The following PPP1R13B variants were observed in gnomAD, a reference collection of about 807,000 sequenced individuals.
The protein encoded by PPP1R13B is apoptosis-stimulating of p53 protein 1.
A neutral mutation model predicts 119.8 loss-of-function variants in PPP1R13B; 44 were observed. That is an observed-to-expected ratio of 0.37 (90% confidence interval 0.29 to 0.47). PPP1R13B has a LOEUF of 0.47. Among genes scored for constraint, PPP1R13B ranks in the 20% least tolerant of loss-of-function variants. The probability of loss-of-function intolerance (pLI) is 0.99; values close to 1 mark genes in which losing one functional copy is unlikely to be tolerated. For missense variants in PPP1R13B, 1,227 were observed against 1,413.5 expected, an observed-to-expected ratio of 0.87 and a Z score of 2.12; for synonymous variants, 542 against 561.5, an observed-to-expected ratio of 0.97 and a Z score of 0.49.
chr14:103,818,507 A>C (rs1309194004), intron 1 of PPP1R13B: 2 of 982,732 alleles, frequency 2.0e-6, no homozygotes, highest in African/African-American at 3.5e-5. Context: ...AGAAGAACGA[A>C]TATTTTCTTG....
chr14:103,847,769 G>T, upstream of PPP1R13B: 1 of 387,906 alleles, frequency 2.6e-6, no homozygotes, highest in Non-Finnish European at 3.5e-6. Flanking sequence ...CGCTCCCGGC[G>T]GCGGGGGAGG....
chr14:103,790,778 G>A (rs1307835811), intron 2 of PPP1R13B, among the ~76,000 whole-genome samples: 1 of 152,234 alleles, frequency 6.6e-6, no homozygotes, highest in Non-Finnish European at 1.5e-5. Context: ...GCCAAGGCAA[G>A]CGGATCACTT....
At chr14:103,771,772 T>G (rs1284002230) in intron 4 of PPP1R13B, among the ~76,000 whole-genome samples, 1 of 152,212 alleles carries the variant, frequency 6.6e-6, no homozygotes, top group Non-Finnish European at 1.5e-5. Flanking sequence ...TGAGCCACTG[T>G]GCCCGGCCTA....
chr14:103,787,359 A>G (rs1229058795), intron 2 of PPP1R13B, among the ~76,000 whole-genome samples: 1 of 151,842 alleles, frequency 6.6e-6, no homozygotes, highest in Non-Finnish European at 1.5e-5. Context: ...TGAGGCAGAG[A>G]ACTGCTTGAA....
chr14:103,777,241 C>A (rs922685579), intron 4 of PPP1R13B, among the ~76,000 whole-genome samples: 5 of 152,106 alleles, frequency 3.3e-5, no homozygotes, highest in Admixed American at 6.6e-5. Flanking sequence ...GATCCACCGA[C>A]CTTGGCCTCC....
intron 3 of PPP1R13B, among the ~76,000 whole-genome samples, chr14:103,782,423 T>C (rs1030622127): frequency 2.6e-5 from 4 of 152,234 alleles, no homozygotes; most frequent in Admixed American, 2.0e-4. Context: ...CTACCAGCAA[T>C]GCTCAGTGAA....
At chr14:103,840,483 A>C (rs1458410939) in intron 1 of PPP1R13B, among the ~76,000 whole-genome samples, 1 of 152,228 alleles carries the variant, frequency 6.6e-6, no homozygotes, top group Non-Finnish European at 1.5e-5. Flanking sequence ...CCTAAACTCC[A>C]GGTGGAAAAA....
Position 103,746,301 on chromosome 14 carries a change from C to A in PPP1R13B, c.1150+72G>T, listed in dbSNP as rs546080460. ...AGAGCCTCAGGAGCCTGCCCCACCC[C>A]CCGCCCCTCCACCGCAGGCCCCATT... On this transcript the variant is annotated intron_variant, in intron 9 of 16. Coordinates refer to ENST00000202556, the MANE Select transcript of PPP1R13B (RefSeq NM_015316.3). 4 of 208,204 alleles carry A rather than the reference C, an allele frequency of 1.9e-5. 1 individual carries two copies. The highest frequency in any genetic ancestry group is 4.3e-5 in the Non-Finnish European group (4 of 92,814). 12.9% of individuals were successfully genotyped at this position (208,204 alleles called of 1,614,324 possible).
intron 4 of PPP1R13B, among the ~76,000 whole-genome samples, chr14:103,764,997 T>C (rs992660842): frequency 6.6e-6 from 1 of 152,130 alleles, no homozygotes; most frequent in African/African-American, 2.4e-5. Flanking sequence ...CTTTTGTATT[T>C]TTAGTAGAGA....
intron 1 of PPP1R13B, among the ~76,000 whole-genome samples, chr14:103,830,145 G>C (rs868821475): frequency 6.6e-6 from 1 of 151,374 alleles, no homozygotes; most frequent in African/African-American, 2.4e-5. Context: ...ACCCAGGCTG[G>C]AGCGCTGTGG....
At chr14:103,751,073 G>A (rs1005840560) in intron 7 of PPP1R13B, among the ~76,000 whole-genome samples, 2 of 152,124 alleles carry the variant, frequency 1.3e-5, no homozygotes, top group African/African-American at 4.8e-5. Context: ...AGAATCGCTT[G>A]AACCCTGGAG....
intron 4 of PPP1R13B, among the ~76,000 whole-genome samples, chr14:103,773,065 G>A (rs2152007128): frequency 6.6e-6 from 1 of 152,148 alleles, no homozygotes; most frequent in East Asian, 1.9e-4. Context: ...TACATGATTT[G>A]CTAGTATTTT....
intron 2 of PPP1R13B, among the ~76,000 whole-genome samples, chr14:103,795,418 CTG>C (rs1378614199): frequency 6.6e-6 from 1 of 152,118 alleles, no homozygotes; most frequent in African/African-American, 2.4e-5. Context: ...TGCTGTGACT[CTG>C]TGCTCCAGGG....
chr14:103,747,539 A>G (rs987298176), intron 8 of PPP1R13B: 5 of 151,780 alleles, frequency 3.3e-5, no homozygotes, highest in African/African-American at 1.2e-4. Context: ...TAATTTCCAT[A>G]GGTTTTTGGG....
At chr14:103,826,293 T>C (rs1055514900) in intron 1 of PPP1R13B, among the ~76,000 whole-genome samples, 1 of 152,172 alleles carries the variant, frequency 6.6e-6, no homozygotes, top group Admixed American at 6.6e-5. Flanking sequence ...AAGTAAGCCT[T>C]TATAGATTTA....
At chr14:103,828,761 C>G (rs928726742) in intron 1 of PPP1R13B, among the ~76,000 whole-genome samples, 1 of 152,154 alleles carries the variant, frequency 6.6e-6, no homozygotes, top group Non-Finnish European at 1.5e-5. Flanking sequence ...ACAGCAGGGC[C>G]GGACTGCTAA....
At chr14:103,812,930 C>T (rs961082182) in intron 1 of PPP1R13B, among the ~76,000 whole-genome samples, 1 of 152,168 alleles carries the variant, frequency 6.6e-6, no homozygotes, top group Non-Finnish European at 1.5e-5. Flanking sequence ...GGTGAGGATG[C>T]GGAGCAAAAG....
intron 5 of PPP1R13B, among the ~76,000 whole-genome samples, chr14:103,755,374 C>A (rs2084652320): frequency 1.3e-5 from 2 of 152,158 alleles, no homozygotes; most frequent in African/African-American, 4.8e-5. Flanking sequence ...TGTTGTGATA[C>A]TGAACAATCA....
intron 4 of PPP1R13B, among the ~76,000 whole-genome samples, chr14:103,758,339 G>A (rs897276897): frequency 5.9e-5 from 9 of 152,172 alleles, no homozygotes; most frequent in Admixed American, 2.0e-4. Context: ...TGTCAATGAT[G>A]CCCTGAACTA....
Sources: gnomAD v4.1 joint callset for allele counts (sites outside exome capture counted in the v4.1 genomes callset) on GRCh38, gnomAD v4.1.1 for gene constraint, MANE v1.5 for transcripts, NCBI Gene and HGNC (gene_info 2026-07-23, HGNC 2026-07-21) for gene names.